GYPC: variants seen among roughly 807,000 people sequenced by gnomAD.
GYPC encodes glycophorin-C.
Under a neutral mutation model 12.6 loss-of-function variants are expected in GYPC, and 14 were observed. That is an observed-to-expected ratio of 1.11 (90% CI 0.74 to 1.74). The LOEUF is 1.74. GYPC is among the 40% of genes most tolerant of loss of function. The pLI is 0.00. For synonymous variants in GYPC, 78 were observed against 62.1 expected, an observed-to-expected ratio of 1.26 and a Z score of -1.20; for missense variants, 225 against 172.1, an observed-to-expected ratio of 1.31 and a Z score of -1.72.
At position 126,688,549 on chromosome 2, in the gene GYPC, G is replaced by A. The variant is rs537785497; in HGVS notation, c.50-1706G>A. Among the ~76,000 whole-genome samples, 146 of 152,320 alleles carry A rather than the reference G, an allele frequency of 9.6e-4. 1 individual carries two copies. Among genetic ancestry groups the A allele is most frequent in the Non-Finnish European group, 1.9e-3 (130 of 68,034 alleles). On this transcript the variant is annotated intron_variant, in intron 1 of 3. Transcript: ENST00000259254. The stretch of plus-strand genomic sequence containing the variant: ...CTGCTTCAGGTCTTGCTACTGAGAA[G>A]CACTGTGAATGCTGGATCCTCTACC...
intron 1 of GYPC, among the ~76,000 whole-genome samples, chr2:126,677,415 G>A (rs1477047193): frequency 6.6e-6 from 1 of 151,194 alleles, no homozygotes; most frequent in Non-Finnish European, 1.5e-5. Context: ...GTGTGTAAGT[G>A]TGTGAGAGAA....
intron 1 of GYPC, among the ~76,000 whole-genome samples, chr2:126,659,493 A>G (rs979979471): frequency 1.3e-5 from 2 of 152,156 alleles, no homozygotes; most frequent in Non-Finnish European, 2.9e-5. Flanking sequence ...GTGAGTGGGA[A>G]TGATAACAGC....
Position 126,656,203 on chromosome 2 carries a change from C to CGGCCCGGCCT in GYPC, c.-46_-37dup, listed in dbSNP as rs927558354. On this transcript the variant is annotated 5_prime_UTR_variant, in exon 1 of 4. Coordinates refer to ENST00000259254, the MANE Select transcript of GYPC (RefSeq NM_002101.5). ...GGAGCCCGGGAGCGCGACCCTCCCC[C>CGGCCCGGCCT]GGCCCGGCCTGGCCCGGCCTGGCCA... is the stretch of plus-strand genomic sequence containing the variant. 3.3e-5 allele frequency: 51 copies of CGGCCCGGCCT among 1,548,114 alleles called. No individual in the cohort carries two copies. The highest frequency in any genetic ancestry group is 3.0e-4 in the African/African-American group (22 of 72,518).
rs188812246 is a variant in GYPC, at chr2:126,694,359, T to A, written c.190+412T>A. ...ACCCTCCATCCTCAAGGAAACTTGA[T>A]CCTGCCTTTGCCTTGCTTTGAACCC... On this transcript the variant is annotated intron_variant, in intron 3 of 3. Transcript: ENST00000259254. Among the ~76,000 whole-genome samples, 1,431 of 152,244 alleles carry A rather than the reference T, an allele frequency of 9.4e-3. 13 individuals are homozygous for A. The highest frequency in any genetic ancestry group is 0.014 in the Non-Finnish European group (966 of 68,018).
At chr2:126,684,167 CCATA>C (rs1683224872) in intron 1 of GYPC, among the ~76,000 whole-genome samples, 2 of 152,156 alleles carry the variant, frequency 1.3e-5, no homozygotes, top group Non-Finnish European at 1.5e-5. Context: ...GTAAGGTCAC[CCATA>C]CAGACCTTCA....
chr2:126,659,210 T>C (rs1280159189), intron 1 of GYPC, among the ~76,000 whole-genome samples: 1 of 152,236 alleles, frequency 6.6e-6, no homozygotes, highest in Non-Finnish European at 1.5e-5. Context: ...TAAGTGAGAC[T>C]GAGCATGTTT....
At chr2:126,666,764 CGCACACACACAA>C (rs1454634746) in intron 1 of GYPC, among the ~76,000 whole-genome samples, 14 of 144,418 alleles carry the variant, frequency 9.7e-5, no homozygotes, top group Non-Finnish European at 1.1e-4. Context: ...CACATATGCA[CGCACACACACAA>C]GCACACACAC....
chr2:126,656,611 T>A (rs1451097135), intron 1 of GYPC, among the ~76,000 whole-genome samples: 1 of 152,268 alleles, frequency 6.6e-6, no homozygotes, highest in African/African-American at 2.4e-5. Context: ...TGTTTCTTTG[T>A]GCGGGGCATG....
chr2:126,666,470 G>A (rs1682682016), intron 1 of GYPC, among the ~76,000 whole-genome samples: 1 of 152,096 alleles, frequency 6.6e-6, no homozygotes, highest in Non-Finnish European at 1.5e-5. Flanking sequence ...TCTTTTGCAG[G>A]TAAATAAAGC....
intron 1 of GYPC, among the ~76,000 whole-genome samples, chr2:126,672,794 C>A (rs1682886649): frequency 6.6e-6 from 1 of 152,078 alleles, no homozygotes; most frequent in South Asian, 2.1e-4. Context: ...TGCCACCTAA[C>A]CTGGGGGAGG....
chr2:126,681,449 C>G (rs1683147547), intron 1 of GYPC, among the ~76,000 whole-genome samples: 1 of 152,194 alleles, frequency 6.6e-6, no homozygotes, highest in Non-Finnish European at 1.5e-5. Context: ...CTTTCCCGAG[C>G]ACGGACTTTT....
intron 1 of GYPC, among the ~76,000 whole-genome samples, chr2:126,671,204 C>T (rs1682843902): frequency 6.6e-6 from 1 of 152,176 alleles, no homozygotes; most frequent in Non-Finnish European, 1.5e-5. Context: ...AGGAGGGGCT[C>T]TTGTAGTCTT....
rs1292816982 is a variant in GYPC at position 126,693,912 on chromosome 2, C to T, written c.155C>T (p.Ser52Phe). 1 of 1,611,940 alleles carries T rather than the reference C, an allele frequency of 6.2e-7. No individual in the cohort carries two copies. The highest frequency in any genetic ancestry group is 8.5e-7 in the Non-Finnish European group (1 of 1,178,216). The change falls in exon 3 of 4, where the codon TCC (serine) becomes TTC (phenylalanine). Residue 52 changes from serine (S) to phenylalanine (F), a missense_variant. Coordinates refer to ENST00000259254, the MANE Select transcript of GYPC (RefSeq NM_002101.5). Reference protein sequence around the residue: ...SGWPDGRMETSTPTIMDIVVI... With the variant: ...SGWPDGRMETFTPTIMDIVVI... ...TGGCCGGATGGCAGAATGGAGACCTCCACCCCCACCATAATGGACATTGTC... is the reference window on the plus strand; with the variant it reads ...TGGCCGGATGGCAGAATGGAGACCTTCACCCCCACCATAATGGACATTGTC...
At chr2:126,665,607 C>T (rs1381296996) in intron 1 of GYPC, among the ~76,000 whole-genome samples, 2 of 152,156 alleles carry the variant, frequency 1.3e-5, no homozygotes, top group African/African-American at 4.8e-5. Flanking sequence ...AGAAGGGAGC[C>T]CTGGAGACCC....
At chr2:126,676,538 T>C (rs928252259) in intron 1 of GYPC, among the ~76,000 whole-genome samples, 2 of 152,228 alleles carry the variant, frequency 1.3e-5, no homozygotes, top group African/African-American at 4.8e-5. Flanking sequence ...CTAATTTAGA[T>C]GGCAGTTGAT....
chr2:126,683,580 T>C (rs1683206763), intron 1 of GYPC, among the ~76,000 whole-genome samples: 1 of 152,240 alleles, frequency 6.6e-6, no homozygotes, highest in African/African-American at 2.4e-5. Context: ...TACTTAGATG[T>C]CATAGCTCAA....
intron 2 of GYPC, among the ~76,000 whole-genome samples, chr2:126,692,366 C>G (rs1482128564): frequency 6.6e-6 from 1 of 152,156 alleles, no homozygotes; most frequent in Non-Finnish European, 1.5e-5. Context: ...CTGTTTTCCC[C>G]TCACCCATTA....
intron 1 of GYPC, among the ~76,000 whole-genome samples, chr2:126,668,941 G>T (rs938111993): frequency 1.3e-5 from 2 of 152,170 alleles, no homozygotes; most frequent in African/African-American, 4.8e-5. Context: ...GTTTCGGATC[G>T]AATTGCCTAT....
chr2:126,667,400 T>C (rs1682713316), intron 1 of GYPC, among the ~76,000 whole-genome samples: 1 of 151,816 alleles, frequency 6.6e-6, no homozygotes, highest in South Asian at 2.1e-4. Context: ...ATATCTTTTT[T>C]TTTTCTTTTT....
Sources: allele counts gnomAD v4.1 joint callset (sites outside exome capture counted in the v4.1 genomes callset), GRCh38; gene constraint gnomAD v4.1.1; transcripts MANE v1.5; gene names NCBI Gene and HGNC (gene_info 2026-07-23, HGNC 2026-07-21).